Variants in IPCEF1 observed in about 807,000 individuals in gnomAD.
The protein encoded by IPCEF1 is interaction protein for cytohesin exchange factors 1.
A neutral mutation model predicts 50.9 loss-of-function variants in IPCEF1; 31 were observed. The observed-to-expected ratio is 0.61, with a 90% CI of 0.46 to 0.82. The LOEUF is 0.82. Ranked by LOEUF, IPCEF1 falls within the 40% of genes least tolerant of loss-of-function variation. The pLI, the probability that IPCEF1 is intolerant of heterozygous loss-of-function variation, is 0.00. For synonymous variants in IPCEF1, 181 were observed against 192.0 expected (o/e 0.94, Z 0.47); for missense variants, 458 against 514.0 (o/e 0.89, Z 1.05).
intron 11 of IPCEF1, among the ~76,000 whole-genome samples, chr6:154,160,898 C>G (rs952930601): frequency 9.2e-5 from 14 of 152,168 alleles, no homozygotes; most frequent in African/African-American, 3.4e-4. Flanking sequence ...CCTCCAATGC[C>G]CACTTCAACT....
chr6:154,212,914 C>T, intron 8 of IPCEF1, 59 bp from the exon 9 acceptor site: 1 of 1,172,306 alleles, frequency 8.5e-7, no homozygotes, highest in East Asian at 2.4e-5. Context: ...TTCCATAATG[C>T]ATGAGCAGAG....
At chr6:154,348,395 T>C (rs1429728394) in intron 1 of IPCEF1, among the ~76,000 whole-genome samples, 1 of 152,234 alleles carries the variant, frequency 6.6e-6, no homozygotes, top group African/African-American at 2.4e-5. Flanking sequence ...CAGGCACTTC[T>C]CTTTGATAGA....
At chr6:154,166,330 C>A (rs1176083139) in intron 11 of IPCEF1, among the ~76,000 whole-genome samples, 1 of 152,244 alleles carries the variant, frequency 6.6e-6, no homozygotes, top group African/African-American at 2.4e-5. Context: ...ATCTAGAATC[C>A]TGAGTCTGCT....
chr6:154,268,279 TG>T (rs1781809379), intron 2 of IPCEF1, among the ~76,000 whole-genome samples: 1 of 152,164 alleles, frequency 6.6e-6, no homozygotes, highest in African/African-American at 2.4e-5. Context: ...TGCCTGAGTC[TG>T]GGGGTGGGGT....
chr6:154,264,425 G>A (rs1385653856), intron 3 of IPCEF1, among the ~76,000 whole-genome samples: 1 of 152,012 alleles, frequency 6.6e-6, no homozygotes, highest in African/African-American at 2.4e-5. Context: ...CCAGGCTGCA[G>A]TGCAGTGACA....
intron 5 of IPCEF1, among the ~76,000 whole-genome samples, chr6:154,232,157 G>GA (rs1779773027): frequency 6.6e-6 from 1 of 152,128 alleles, no homozygotes; most frequent in Non-Finnish European, 1.5e-5. Context: ...CTTCCTTTCA[G>GA]AAAAGGAAAT....
intron 3 of IPCEF1, among the ~76,000 whole-genome samples, chr6:154,256,124 A>G (rs1781455305): frequency 6.6e-6 from 1 of 152,204 alleles, no homozygotes; most frequent in South Asian, 2.1e-4. Flanking sequence ...ACAAATATTT[A>G]TCTCACAGTT....
chr6:154,265,898 C>A lies in IPCEF1; in HGVS notation c.36+14G>T. 6.3e-7 allele frequency: 1 copy of A among 1,576,892 alleles called. No homozygotes were observed. Among genetic ancestry groups the A allele is most frequent in the East Asian group, 2.3e-5 (1 of 43,808 alleles). On this transcript the variant is annotated intron_variant, in intron 3 of 11. Transcript: ENST00000367220. ...ACAATATCTAAAGCCTGGGGTATTC[C>A]AAAGGATACTTACAAGAGCACTGCC...
At chr6:154,275,388 G>A (rs1402126758) in intron 2 of IPCEF1, among the ~76,000 whole-genome samples, 1 of 152,168 alleles carries the variant, frequency 6.6e-6, no homozygotes, top group Non-Finnish European at 1.5e-5. Context: ...TCTGTTCCAT[G>A]AGCACAGCTT....
intron 1 of IPCEF1, among the ~76,000 whole-genome samples, chr6:154,351,991 G>A (rs913612264): frequency 2.0e-5 from 3 of 152,190 alleles, no homozygotes; most frequent in Non-Finnish European, 4.4e-5. Context: ...AGGGCCGGGG[G>A]AGAGGGAGAG....
At chr6:154,331,613 G>T (rs901984929) in intron 1 of IPCEF1, among the ~76,000 whole-genome samples, 2 of 152,178 alleles carry the variant, frequency 1.3e-5, no homozygotes, top group Admixed American at 1.3e-4. Context: ...ACCCGAAGCT[G>T]GTGATCAGCA....
chr6:154,243,747 A>G (rs1457814140), intron 5 of IPCEF1, among the ~76,000 whole-genome samples: 3 of 152,206 alleles, frequency 2.0e-5, no homozygotes, highest in African/African-American at 7.2e-5. Flanking sequence ...TCATGGGTTT[A>G]GGAGTCCAAG....
chr6:154,279,022 G>A (rs1287225993), intron 2 of IPCEF1, among the ~76,000 whole-genome samples: 1 of 151,052 alleles, frequency 6.6e-6, no homozygotes, highest in African/African-American at 2.4e-5. Context: ...CTACTTGGGA[G>A]GCTGGGGTGA....
chr6:154,209,896 G>A (rs1311645537), intron 9 of IPCEF1, among the ~76,000 whole-genome samples: 4 of 152,072 alleles, frequency 2.6e-5, no homozygotes, highest in Non-Finnish European at 2.9e-5. Context: ...TAGCATTAAT[G>A]GCCTGCCAAA....
intron 3 of IPCEF1, among the ~76,000 whole-genome samples, chr6:154,248,919 AATC>A (rs1781270360): frequency 6.6e-6 from 1 of 152,172 alleles, no homozygotes; most frequent in African/African-American, 2.4e-5. Context: ...AACAGAAAAA[AATC>A]ATAATTTTTA....
chr6:154,250,112 T>C (rs1342617942), intron 3 of IPCEF1, among the ~76,000 whole-genome samples: 2 of 152,134 alleles, frequency 1.3e-5, no homozygotes, highest in South Asian at 4.1e-4. Flanking sequence ...GAAACCTAAA[T>C]TGGTTTATAT....
intron 11 of IPCEF1, among the ~76,000 whole-genome samples, chr6:154,166,985 G>A (rs753177544): frequency 2.0e-5 from 3 of 151,870 alleles, no homozygotes; most frequent in African/African-American, 7.3e-5. Flanking sequence ...CCTCATTTTT[G>A]TAGCCTTTTA....
At chr6:154,317,287 C>T (rs1293291232) in intron 1 of IPCEF1, among the ~76,000 whole-genome samples, 2 of 152,016 alleles carry the variant, frequency 1.3e-5, no homozygotes, top group African/African-American at 4.8e-5. Flanking sequence ...CAATGGCTCA[C>T]GCTTGTAATC....
At chr6:154,200,084 T>A (rs1776940069) in intron 9 of IPCEF1, 44 bp from the exon 10 acceptor site, 1 of 1,517,834 alleles carries the variant, frequency 6.6e-7, no homozygotes, top group South Asian at 1.3e-5. Context: ...AAAGACATCA[T>A]GATTAAACCA....
Sources: gnomAD v4.1 joint callset for allele counts (sites outside exome capture counted in the v4.1 genomes callset) on GRCh38, gnomAD v4.1.1 for gene constraint, MANE v1.5 for transcripts, NCBI Gene and HGNC (gene_info 2026-07-23, HGNC 2026-07-21) for gene names.